Variants in GLUL observed in about 807,000 individuals in gnomAD.
GLUL encodes the protein glutamate-ammonia ligase, also known as glutamine synthetase.
GLUL carries 8 observed loss-of-function variants against 36.9 expected under a neutral mutation model. The observed-to-expected ratio is 0.22, with a 90% CI of 0.13 to 0.39. The LOEUF (loss-of-function observed/expected upper bound fraction) is 0.39, where lower values mean the gene tolerates loss of function less well. Among genes scored for constraint, GLUL ranks in the 10% least tolerant of loss-of-function variants. The pLI, the probability that GLUL is intolerant of heterozygous loss-of-function variation, is 1.00. For missense variants in GLUL, 315 were observed against 501.8 expected (o/e 0.63, Z 3.56); for synonymous variants, 182 against 172.8 (o/e 1.05, Z -0.42).
chr1:182,387,061 AT>A, intron 3 of GLUL, 69 bp downstream of exon 3: 1 of 1,206,534 alleles, frequency 8.3e-7, no homozygotes, highest in Non-Finnish European at 1.2e-6. Flanking sequence ...TGATTTCAGA[AT>A]GTCTTCTCCC....
chr1:182,387,027 G>A (rs1558161691), intron 3 of GLUL, 104 bp downstream of exon 3: 4 of 901,452 alleles, frequency 4.4e-6, no homozygotes, highest in Middle Eastern at 3.2e-4. Flanking sequence ...AAATAGTGCT[G>A]AAATTGCCTA....
In GLUL at chr1:182,380,730, A is replaced by G. The variant is rs887734469; in HGVS notation, c.*3675T>C. 1.3e-5 allele frequency among the ~76,000 whole-genome samples: 2 copies of G among 152,266 alleles called. No individual in the cohort carries two copies. Among genetic ancestry groups the G allele is most frequent in the African/African-American group, 4.8e-5 (2 of 41,478 alleles). ...ATACTTAAAAATAACTTATTAAATAAGTATTGCAGGCACTACAACAGGTCT... is the reference window on the plus strand; with the variant it reads ...ATACTTAAAAATAACTTATTAAATAGGTATTGCAGGCACTACAACAGGTCT... On this transcript the variant is annotated 3_prime_UTR_variant, in exon 7 of 7. Transcript: ENST00000331872.
intron 4 of GLUL, 60 bp downstream of exon 4, chr1:182,386,194 AGG>A: frequency 6.8e-7 from 1 of 1,464,814 alleles, no homozygotes; most frequent in East Asian, 2.3e-5. Flanking sequence ...ATCCCTGGGA[AGG>A]GGCATTCCTG....
Position 182,387,150 on chromosome 1 carries a change from C to A in GLUL, c.309G>T (p.Lys103Asn). 6.2e-7 allele frequency: 1 copy of A among 1,613,988 alleles called. No individual in the cohort carries two copies. Among genetic ancestry groups the A allele is most frequent in the Non-Finnish European group, 8.5e-7 (1 of 1,179,876 alleles). The change falls in exon 3 of 7, where the codon AAG becomes AAT. Residue 103 changes from lysine to asparagine, a missense_variant. Lys to Asn is a moderately conservative substitution (Grantham distance 94, BLOSUM62 0). This residue lies in a region of GLUL where 256 missense variants were observed against 396.1 expected (regional missense o/e 0.65). Transcript: ENST00000331872. ...PNKLVLCEVF[K>N]YNRRPAETNL... ...ACACACCTGCAGGCCTTCGATTGTA[C>A]TTGAAAACTTCACATAACACCAGCT...
At position 182,386,417 on chromosome 1, in the gene GLUL, CAAT is replaced by C. The variant is rs758002186; in HGVS notation, c.329-18_329-16del. On this transcript the variant is annotated splice_polypyrimidine_tract_variant and intron_variant, in intron 3 of 6. Coordinates refer to ENST00000331872, the MANE Select transcript of GLUL (RefSeq NM_001033044.4). ...CAAATTGGTCTCTAGAAAAAAGAGT[CAAT>C]AATACGCCATCAGGGATCTAAAGAC... The C allele has an allele frequency of 1.3e-6, 2 of 1,584,408 alleles. No homozygotes were observed. The highest frequency in any genetic ancestry group is 8.7e-7 in the Non-Finnish European group (1 of 1,152,984).
In GLUL at chr1:182,385,747, G is replaced by C; in HGVS notation, c.603+13C>G. The C allele has an allele frequency of 6.2e-7, 1 of 1,613,978 alleles. No individual in the cohort carries two copies. ...CCTACCCTTCTTCATTGATGGATTG[G>C]AGCTATACTTACCTGGGCAGGCATG... On this transcript the variant is annotated intron_variant, in intron 5 of 6. Coordinates refer to ENST00000331872, the MANE Select transcript of GLUL (RefSeq NM_001033044.4).
chr1:182,384,342 G>C lies in GLUL; in HGVS notation c.*63C>G. 2.7e-6 allele frequency: 3 copies of C among 1,116,110 alleles called. No individual in the cohort carries two copies. Among genetic ancestry groups the C allele is most frequent in the Non-Finnish European group, 1.4e-6 (1 of 735,644 alleles). 69.1% of individuals were successfully genotyped at this position (1,116,110 alleles called of 1,614,324 possible). A position where few individuals can be genotyped will look rare whatever the true frequency, so the allele number is the denominator to read the frequency against. ...AGTTACAATCGGGACAACTGGGAGA[G>C]GGGGAAGAGTTGGAGTGGGATGAAG... On this transcript the variant is annotated 3_prime_UTR_variant, in exon 7 of 7. Coordinates refer to ENST00000331872, the MANE Select transcript of GLUL (RefSeq NM_001033044.4).
rs12735664 is a variant in GLUL at position 182,386,944 on chromosome 1, A to C, written c.328+187T>G. On this transcript the variant is annotated intron_variant, in intron 3 of 6. Coordinates refer to ENST00000331872, the MANE Select transcript of GLUL (RefSeq NM_001033044.4). Reference sequence around the variant, plus strand: ...CTATTTTATGCAACCAACAGAGAAGACCATAGAAAGATGGGCCATATTATC... The same window carrying C: ...CTATTTTATGCAACCAACAGAGAAGCCCATAGAAAGATGGGCCATATTATC... 52,875 of 657,248 alleles carry C rather than the reference A, an allele frequency of 0.08. 2,588 individuals are homozygous for C. Among genetic ancestry groups the C allele is most frequent in the Non-Finnish European group, 0.1 (36,055 of 359,284 alleles). The allele number at this position is 657,248 out of a possible 1,614,324, so 40.7% of individuals were successfully genotyped here. A position where few individuals can be genotyped will look rare whatever the true frequency, so the allele number is the denominator to read the frequency against.
rs558050196 is a variant in GLUL, at chr1:182,387,753, C to T, written c.167-461G>A. On this transcript the variant is annotated intron_variant, in intron 2 of 6. Coordinates refer to ENST00000331872, the MANE Select transcript of GLUL (RefSeq NM_001033044.4). ...GCAGGATGACTTACTCTAGGATGCT[C>T]CCTTATCACCTATCCACCTTTCCCA... Among the ~76,000 whole-genome samples, 3 of 152,296 alleles carry T rather than the reference C, an allele frequency of 2.0e-5. No individual in the cohort carries two copies. The East Asian group carries it at 5.8e-4, about 29-fold the overall frequency.
rs1650324582 is a variant in GLUL at position 182,389,640 on chromosome 1, C to A, written c.-13-890G>T. ...GAGGCATACTAATAACTGCCAGCCA[C>A]TACCACAAAACCTCCGAAAGAAGAG... On this transcript the variant is annotated intron_variant, in intron 1 of 6. Transcript: ENST00000331872. The A allele has an allele frequency of 1.3e-5, 2 of 152,238 alleles. 1 individual carries two copies. The highest frequency in any genetic ancestry group is 4.1e-4 in the South Asian group (2 of 4,830). The allele number at this position is 152,238 out of a possible 1,614,324, so 9.4% of individuals were successfully genotyped here.
Position 182,385,565 on chromosome 1 carries a change from G to C in GLUL, c.604-9C>G, listed in dbSNP as rs775437860. The stretch of plus-strand genomic sequence containing the variant: ...CCAATCTGAAATTCCCACTAGAAAC[G>C]AGAAGCTTGGCCATTAAAACAAAGC... On this transcript the variant is annotated splice_polypyrimidine_tract_variant and intron_variant, in intron 5 of 6. Coordinates refer to ENST00000331872, the MANE Select transcript of GLUL (RefSeq NM_001033044.4). 3.1e-6 allele frequency: 5 copies of C among 1,612,750 alleles called. No individual in the cohort carries two copies. Among genetic ancestry groups the C allele is most frequent in the Non-Finnish European group, 4.2e-6 (5 of 1,178,902 alleles).
chr1:182,390,956 T>C lies in GLUL; in HGVS notation c.-14+723A>G, dbSNP rs1275413706. The C allele has an allele frequency of 7.5e-6, 3 of 397,754 alleles. No individual in the cohort carries two copies. The East Asian group carries it at 1.1e-4, about 14-fold the overall frequency. 24.6% of individuals were successfully genotyped at this position (397,754 alleles called of 1,614,324 possible). On this transcript the variant is annotated intron_variant, in intron 1 of 6. Transcript: ENST00000331872. ...CCTGCCCCTCGGGCCCCCGTCCGAA[T>C]CTCAGGGCCTCACGGAGGTGGCCAT... is the stretch of plus-strand genomic sequence containing the variant.
rs1008239774 is a variant in GLUL at position 182,383,259 on chromosome 1, C to A, written c.*1146G>T. On this transcript the variant is annotated 3_prime_UTR_variant, in exon 7 of 7. Transcript: ENST00000331872. ...ATTCTGTAAAAATTACCTAGAAACC[C>A]TACAAATTTGATTAAAATCTAAACT... 6.6e-6 allele frequency: 1 copy of A among 152,108 alleles called. No homozygotes were observed. The highest frequency in any genetic ancestry group is 1.5e-5 in the Non-Finnish European group (1 of 68,018). 9.4% of individuals were successfully genotyped at this position (152,108 alleles called of 1,614,324 possible).
At chr1:182,387,767 C>A (rs1448767646) in intron 2 of GLUL, among the ~76,000 whole-genome samples, 3 of 152,206 alleles carry the variant, frequency 2.0e-5, no homozygotes, top group African/African-American at 7.2e-5. Flanking sequence ...TATCACCTAT[C>A]CACCTTTCCC....
At chr1:182,384,860 A>G in intron 6 of GLUL, 137 bp from the exon 7 acceptor site, 1 of 729,256 alleles carries the variant, frequency 1.4e-6, no homozygotes, top group Non-Finnish European at 2.5e-6. Flanking sequence ...TGTGTGTCTC[A>G]GTGGTGAGAA....
At chr1:182,385,977 T>C (rs1006230823) in intron 4 of GLUL, 90 bp from the exon 5 acceptor site, 9 of 1,332,198 alleles carry the variant, frequency 6.8e-6, no homozygotes, top group South Asian at 1.2e-5. Flanking sequence ...CCTTGCCCTC[T>C]TGAATCACTA....
At position 182,384,664 on chromosome 1, in the gene GLUL, T is replaced by C. The variant is rs886045617; in HGVS notation, c.863A>G (p.Tyr288Cys). ...SKRHQYHIRA[Y>C]DPKGGLDNAR... ...ATTGTCCAGGCCTCCCTTGGGATCA[T>C]AGGCACGGATGTGGTACTGGTGCCG... The change falls in exon 7 of 7, where the codon TAT becomes TGT. Residue 288 changes from tyrosine to cysteine, a missense_variant. This residue lies in a region of GLUL where 256 missense variants were observed against 396.1 expected (regional missense o/e 0.65). Transcript: ENST00000331872. The C allele has an allele frequency of 6.2e-6, 10 of 1,614,008 alleles. No individual in the cohort carries two copies. Among genetic ancestry groups the C allele is most frequent in the East Asian group, 2.2e-5 (1 of 44,892 alleles).
At position 182,384,670 on chromosome 1, in the gene GLUL, CG is replaced by C; in HGVS notation, c.856del (p.Arg286ValfsTer15). The C allele has an allele frequency of 6.2e-7, 1 of 1,614,054 alleles. No individual in the cohort carries two copies. The highest frequency in any genetic ancestry group is 8.5e-7 in the Non-Finnish European group (1 of 1,179,978). ...CAGGCCTCCCTTGGGATCATAGGCA[CG>C]GATGTGGTACTGGTGCCGCTTGCTT... The part of the protein sequence containing the change: ...KLSKRHQYHI[R>X]AYDPKGGLDN... On this transcript the variant is annotated frameshift_variant, in exon 7 of 7. Transcript: ENST00000331872. LOFTEE classifies it high-confidence loss of function.
rs1378665118 is a variant in GLUL, at chr1:182,379,201, T to C, written c.*5204A>G. On this transcript the variant is annotated 3_prime_UTR_variant, in exon 7 of 7. Transcript: ENST00000331872. ...TGTACGCAAAGTCTTTGGAGTTAAA[T>C]GATGAACTGCCACTTATTTATTTAT... Among the ~76,000 whole-genome samples, 1 of 152,064 alleles carries C rather than the reference T, an allele frequency of 6.6e-6. No homozygotes were observed.
Sources: allele counts gnomAD v4.1 joint callset (sites outside exome capture counted in the v4.1 genomes callset), GRCh38; gene constraint gnomAD v4.1.1; regional missense constraint gnomAD v4.1.1; transcripts MANE v1.5; gene names NCBI Gene and HGNC (gene_info 2026-07-23, HGNC 2026-07-21).